The following FAM76B variants were observed in gnomAD, a reference collection of about 807,000 sequenced individuals.
FAM76B encodes family with sequence similarity 76 member B.
Under a neutral mutation model 51.8 loss-of-function variants are expected in FAM76B, and 16 were observed. The observed-to-expected ratio is 0.31, with a 90% CI of 0.21 to 0.47. The LOEUF (loss-of-function observed/expected upper bound fraction) is 0.47. Among genes scored for constraint, FAM76B ranks in the 20% least tolerant of loss-of-function variants. The pLI is 1.00. For missense variants in FAM76B, 342 were observed against 392.6 expected, an observed-to-expected ratio of 0.87 and a Z score of 1.09; for synonymous variants, 166 against 129.5, an observed-to-expected ratio of 1.28 and a Z score of -1.91.
chr11:95,783,351 T>C, intron 4 of FAM76B, 87 bp from the exon 5 acceptor site: 1 of 1,107,822 alleles, frequency 9.0e-7, no homozygotes. Flanking sequence ...AACTTCCACC[T>C]ATATTCCACA....
At chr11:95,779,494 A>T in intron 7 of FAM76B, 113 bp downstream of exon 7, 1 of 942,384 alleles carries the variant, frequency 1.1e-6, no homozygotes, top group Non-Finnish European at 1.5e-6. Flanking sequence ...TAGGTGACTC[A>T]AGTCAATGTA....
rs913302870 is a variant in FAM76B at position 95,789,575 on chromosome 11, T to TCCTCCC, written c.-103_-98dup. 67 of 1,073,770 alleles carry TCCTCCC rather than the reference T, an allele frequency of 6.2e-5. No individual in the cohort carries two copies. Among genetic ancestry groups the TCCTCCC allele is most frequent in the Non-Finnish European group, 7.7e-5 (58 of 752,580 alleles). The allele number at this position is 1,073,770 out of a possible 1,614,324, so 66.5% of individuals were successfully genotyped here. On this transcript the variant is annotated 5_prime_UTR_variant, in exon 1 of 10. Transcript: ENST00000358780. ...CGCCGCCCGGGCCGCGGGCTCCTCC[T>TCCTCCC]CCTCCCCCTCCCCCTGCCTCGCGCC...
At position 95,773,269 on chromosome 11, in the gene FAM76B, T is replaced by A. The variant is rs1011662812; in HGVS notation, c.931-1619A>T. On this transcript the variant is annotated intron_variant, in intron 9 of 9. Coordinates refer to ENST00000358780, the MANE Select transcript of FAM76B (RefSeq NM_144664.5). ...CCAATTTGCTTTTAATATATTTATA[T>A]CACTAATAAAGATATTTCTTAATAA... Among the ~76,000 whole-genome samples, 36 of 151,042 alleles carry A rather than the reference T, an allele frequency of 2.4e-4. 2 individuals carry two copies. Among genetic ancestry groups the A allele is most frequent in the Admixed American group, 1.9e-3 (29 of 15,106 alleles).
chr11:95,781,443 T>C (rs1414830187), intron 5 of FAM76B, among the ~76,000 whole-genome samples: 1 of 152,082 alleles, frequency 6.6e-6, no homozygotes, highest in East Asian at 1.9e-4. Context: ...AGTAAAAAAA[T>C]TGAAGACTTT....
intron 5 of FAM76B, among the ~76,000 whole-genome samples, chr11:95,781,941 T>C (rs188816461): frequency 2.0e-4 from 30 of 152,280 alleles, no homozygotes; most frequent in Admixed American, 1.6e-3. Context: ...CATTACATTC[T>C]AAAAATACTG....
chr11:95,786,217 G>A lies in FAM76B; in HGVS notation c.265C>T (p.Arg89Cys), dbSNP rs1226262416. The part of the protein sequence containing the change: ...IAAFIGTKCQ[R>C]CTNSEKKYGP... ...TACTTTTTTTCTGAATTTGTGCAAC[G>A]CTGACACTTGGTACCAATAAATGCT... Residue 89 changes from arginine to cysteine, a missense_variant, in exon 4 of 10, where the codon CGT (arginine) becomes TGT (cysteine). Arg to Cys is a radical substitution (Grantham distance 180). Transcript: ENST00000358780. 2.5e-6 allele frequency: 4 copies of A among 1,614,078 alleles called. No individual in the cohort carries two copies. The highest frequency in any genetic ancestry group is 3.4e-6 in the Non-Finnish European group (4 of 1,179,990).
At position 95,783,329 on chromosome 11, in the gene FAM76B, G is replaced by C. The variant is rs556815440; in HGVS notation, c.364-65C>G. On this transcript the variant is annotated intron_variant, in intron 4 of 9. Transcript: ENST00000358780. ...ACTGGCTGTAAACGAAACCAGGTAA[G>C]ATAAACCACTCAACTTCCACCTATA... 89 of 1,394,952 alleles carry C rather than the reference G, an allele frequency of 6.4e-5. 1 individual carries two copies. In the South Asian group the frequency reaches 1.0e-3, roughly 16 times the overall value. 86.4% of individuals were successfully genotyped at this position (1,394,952 alleles called of 1,614,324 possible).
rs1410684833 is a variant in FAM76B, at chr11:95,770,388, AG to A, written c.*1172del. ...TTAAAAAGATCATTTAATTTTTTTC[AG>A]ATTTGCTTTAAATTTACAAATTACA... On this transcript the variant is annotated 3_prime_UTR_variant, in exon 10 of 10. Transcript: ENST00000358780. 1 of 151,866 alleles carries A rather than the reference AG, an allele frequency of 6.6e-6. No homozygotes were observed. The highest frequency in any genetic ancestry group is 1.5e-5 in the Non-Finnish European group (1 of 67,526). 9.4% of individuals were successfully genotyped at this position (151,866 alleles called of 1,614,324 possible).
At chr11:95,779,020 T>C (rs1860135085) in intron 7 of FAM76B, 63 bp from the exon 8 acceptor site, 2 of 1,597,606 alleles carry the variant, frequency 1.3e-6, no homozygotes, top group African/African-American at 1.3e-5. Flanking sequence ...GGTGTTCAAA[T>C]TGCATAAATT....
Position 95,771,630 on chromosome 11 carries a change from G to A in FAM76B, c.951C>T (p.Leu317=). 1 of 1,606,642 alleles carries A rather than the reference G, an allele frequency of 6.2e-7. No individual in the cohort carries two copies. The change falls in exon 10 of 10, where the codon CTC becomes CTT. Residue 317 remains leucine (L), a synonymous_variant. Transcript: ENST00000358780. ...CCTTTGATAATGCTGCGACCTGTTT[G>A]AGTAGTTCTCTGTTTTTGGCCTGTG... The part of the protein sequence containing the change: ...EQLQAKNREL[L]KQVAALSKGK...
At chr11:95,787,830 T>C (rs1860684205) in intron 2 of FAM76B, 152 bp from the exon 3 acceptor site, 1 of 646,198 alleles carries the variant, frequency 1.5e-6, no homozygotes, top group African/African-American at 1.8e-5. Context: ...TTTTCAGAGT[T>C]GTTTTACCCA....
rs1048408465 is a variant in FAM76B, at chr11:95,769,951, TAA to T, written c.*1608_*1609del. ...AACAGTCTATTGAAACACGTCATGTTAAAAAAAAATTGTTTCAATCATGTGTT... is the reference window on the plus strand; with the variant it reads ...AACAGTCTATTGAAACACGTCATGTTAAAAAAATTGTTTCAATCATGTGTT... On this transcript the variant is annotated 3_prime_UTR_variant, in exon 10 of 10. Coordinates refer to ENST00000358780, the MANE Select transcript of FAM76B (RefSeq NM_144664.5). 6.6e-6 allele frequency: 1 copy of T among 150,872 alleles called. No homozygotes were observed. Among genetic ancestry groups the T allele is most frequent in the Admixed American group, 6.6e-5 (1 of 15,106 alleles). The allele number at this position is 150,872 out of a possible 1,614,324, so 9.3% of individuals were successfully genotyped here.
At chr11:95,789,279 A>T in intron 1 of FAM76B, 113 bp downstream of exon 1, 2 of 1,204,142 alleles carry the variant, frequency 1.7e-6, no homozygotes, top group Non-Finnish European at 2.4e-6. Flanking sequence ...AGGGCTCCAG[A>T]CTCCCAAACC....
In FAM76B at chr11:95,770,731, A is replaced by T. The variant is rs1859730348; in HGVS notation, c.*830T>A. ...ATCAGTTAGTTCTAAATGTAATCTC[A>T]AACATTTTACTAGCAACTTTGATTT... On this transcript the variant is annotated 3_prime_UTR_variant, in exon 10 of 10. Coordinates refer to ENST00000358780, the MANE Select transcript of FAM76B (RefSeq NM_144664.5). 6.6e-6 allele frequency: 1 copy of T among 151,762 alleles called. No homozygotes were observed. The highest frequency in any genetic ancestry group is 1.5e-5 in the Non-Finnish European group (1 of 67,424). The allele number at this position is 151,762 out of a possible 1,614,324, so 9.4% of individuals were successfully genotyped here.
At chr11:95,779,568 A>T in intron 7 of FAM76B, 39 bp downstream of exon 7, 1 of 1,515,136 alleles carries the variant, frequency 6.6e-7, no homozygotes, top group Non-Finnish European at 9.0e-7. Context: ...CTATTCAACT[A>T]AGTTGAATTT....
intron 4 of FAM76B, 81 bp from the exon 5 acceptor site, chr11:95,783,345 TC>T: frequency 8.5e-7 from 1 of 1,174,616 alleles, no homozygotes; most frequent in Non-Finnish European, 1.2e-6. Flanking sequence ...CCACTCAACT[TC>T]CACCTATATT....
intron 1 of FAM76B, 79 bp from the exon 2 acceptor site, chr11:95,788,642 A>G (rs1860751781): frequency 7.1e-7 from 1 of 1,408,420 alleles, no homozygotes; most frequent in Non-Finnish European, 9.8e-7. Context: ...CTGTTTACCC[A>G]ACCTAGTGAA....
At chr11:95,779,037 T>C (rs1860136146) in intron 7 of FAM76B, 80 bp from the exon 8 acceptor site, 3 of 1,595,518 alleles carry the variant, frequency 1.9e-6, no homozygotes, top group East Asian at 2.2e-5. Context: ...AATTAGACAA[T>C]TCCACAAACA....
chr11:95,772,528 C>A (rs1163355120), intron 9 of FAM76B, among the ~76,000 whole-genome samples: 1 of 151,050 alleles, frequency 6.6e-6, no homozygotes, highest in Admixed American at 6.6e-5. Context: ...AATGATCAAG[C>A]ATTTTTGTAG....
Sources: gnomAD v4.1 joint callset for allele counts (sites outside exome capture counted in the v4.1 genomes callset) on GRCh38, gnomAD v4.1.1 for gene constraint, MANE v1.5 for transcripts, NCBI Gene and HGNC (gene_info 2026-07-23, HGNC 2026-07-21) for gene names.